Variants in SLC47A1 observed in about 807,000 individuals in gnomAD.
The protein encoded by SLC47A1 is multidrug and toxin extrusion protein 1.
A neutral mutation model predicts 65.8 loss-of-function variants in SLC47A1; 58 were observed. The ratio of observed to expected loss-of-function variants is 0.88; its 90% CI spans 0.71 to 1.10. The LOEUF is 1.10. Among genes scored for constraint, SLC47A1 ranks in the 50% least tolerant of loss-of-function variants. The pLI is 0.00. For synonymous variants in SLC47A1, 285 were observed against 295.0 expected, an observed-to-expected ratio of 0.97 and a Z score of 0.35; for missense variants, 706 against 719.2, an observed-to-expected ratio of 0.98 and a Z score of 0.21.
At chr17:19,559,458 G>A (rs918155845) in intron 10 of SLC47A1, among the ~76,000 whole-genome samples, 1 of 152,206 alleles carries the variant, frequency 6.6e-6, no homozygotes, top group Non-Finnish European at 1.5e-5. Flanking sequence ...GGAGGTCGAG[G>A]CTGTAGTGAA....
chr17:19,565,751 T>G (rs2084351810), intron 12 of SLC47A1, among the ~76,000 whole-genome samples: 1 of 151,848 alleles, frequency 6.6e-6, no homozygotes, highest in Non-Finnish European at 1.5e-5. Context: ...CGGCTAATTT[T>G]TTTGTATTTT....
chr17:19,546,399 A>T, intron 2 of SLC47A1, 36 bp from the exon 3 acceptor site: 1 of 1,574,224 alleles, frequency 6.4e-7, no homozygotes, highest in Non-Finnish European at 8.7e-7. Flanking sequence ...TTCCTCCTTT[A>T]ACTCTATAGG....
rs2084299770 is a variant in SLC47A1, at chr17:19,560,404, GT to G, written c.1031-9del. 1 of 1,614,096 alleles carries G rather than the reference GT, an allele frequency of 6.2e-7. No individual in the cohort carries two copies. Among genetic ancestry groups the G allele is most frequent in the African/African-American group, 1.3e-5 (1 of 75,026 alleles). Reference sequence around the variant, plus strand: ...TGTTCACTGTGTTGTTTCTTCTGCCGTTTTTACCTTCAGTGCTCTTTGCTGT... The same window carrying G: ...TGTTCACTGTGTTGTTTCTTCTGCCGTTTTACCTTCAGTGCTCTTTGCTGT... On this transcript the variant is annotated splice_polypyrimidine_tract_variant and intron_variant, in intron 11 of 16. Coordinates refer to ENST00000270570, the MANE Select transcript of SLC47A1 (RefSeq NM_018242.3).
chr17:19,572,488 GTTTTTAAT>G lies in SLC47A1; in HGVS notation c.1405-282_1405-275del, dbSNP rs572609308. Reference sequence around the variant, plus strand: ...TTTTTGTTGTTGTTGTTATTTTTTTGTTTTTAATTTTTTAATTGAGATGGGATCTTGCT... The same window carrying G: ...TTTTTGTTGTTGTTGTTATTTTTTTGTTTTTAATTGAGATGGGATCTTGCT... On this transcript the variant is annotated intron_variant, in intron 15 of 16. Transcript: ENST00000270570. Among the ~76,000 whole-genome samples, 344 of 151,822 alleles carry G rather than the reference GTTTTTAAT, an allele frequency of 2.3e-3. 2 individuals are homozygous for G. Among genetic ancestry groups the G allele is most frequent in the African/African-American group, 8.3e-3 (342 of 41,420 alleles).
At chr17:19,550,031 C>A (rs1421213720) in intron 5 of SLC47A1, among the ~76,000 whole-genome samples, 1 of 152,208 alleles carries the variant, frequency 6.6e-6, no homozygotes, top group African/African-American at 2.4e-5. Context: ...TGGTCTGCTG[C>A]GTTTGACCAC....
intron 2 of SLC47A1, among the ~76,000 whole-genome samples, chr17:19,545,457 G>T (rs898323132): frequency 6.6e-6 from 1 of 151,872 alleles, no homozygotes; most frequent in Admixed American, 6.6e-5. Flanking sequence ...CTCCCAAAGT[G>T]CTGGGATTAC....
intron 10 of SLC47A1, among the ~76,000 whole-genome samples, chr17:19,558,064 T>A (rs1704932522): frequency 6.6e-6 from 1 of 151,932 alleles, no homozygotes; most frequent in African/African-American, 2.4e-5. Context: ...TTTTGTCACA[T>A]TTATTCTGTC....
chr17:19,554,840 G>A (rs527338349), intron 6 of SLC47A1, among the ~76,000 whole-genome samples: 1 of 152,318 alleles, frequency 6.6e-6, no homozygotes, highest in South Asian at 2.1e-4. Flanking sequence ...CTATTTTGGT[G>A]AAGAAAGTAT....
At chr17:19,551,274 G>A in intron 5 of SLC47A1, 150 bp from the exon 6 acceptor site, 1 of 752,694 alleles carries the variant, frequency 1.3e-6, no homozygotes, top group East Asian at 2.6e-5. Flanking sequence ...CCTGGCCCCA[G>A]CCCTGTCCTG....
chr17:19,574,322 A>G lies in SLC47A1; in HGVS notation c.1486+1461A>G, dbSNP rs1452194246. Among the ~76,000 whole-genome samples, 6 of 152,244 alleles carry G rather than the reference A, an allele frequency of 3.9e-5. No individual in the cohort carries two copies. In the East Asian group the frequency reaches 1.2e-3, roughly 29 times the overall value. On this transcript the variant is annotated intron_variant, in intron 16 of 16. Coordinates refer to ENST00000270570, the MANE Select transcript of SLC47A1 (RefSeq NM_018242.3). Reference sequence around the variant, plus strand: ...ATTCTTGGTAGGTACCCAAGTCGCCAAAGCCCTGGTCAGCGTCTCAGTCAT... The same window carrying G: ...ATTCTTGGTAGGTACCCAAGTCGCCGAAGCCCTGGTCAGCGTCTCAGTCAT...
intron 10 of SLC47A1, 35 bp from the exon 11 acceptor site, chr17:19,560,153 C>T: frequency 6.7e-7 from 1 of 1,487,674 alleles, no homozygotes; most frequent in Non-Finnish European, 9.3e-7. Context: ...TCTGCAGTTT[C>T]TCACTCATTG....
intron 12 of SLC47A1, among the ~76,000 whole-genome samples, chr17:19,560,914 C>T (rs553630455): frequency 6.6e-6 from 1 of 150,924 alleles, no homozygotes; most frequent in East Asian, 2.0e-4. Flanking sequence ...GAAATGGTTC[C>T]TCCAAGAGCA....
In SLC47A1 at chr17:19,555,699, T is replaced by C. The variant is rs139770934; in HGVS notation, c.739+9T>C. On this transcript the variant is annotated intron_variant, in intron 8 of 16. Coordinates refer to ENST00000270570, the MANE Select transcript of SLC47A1 (RefSeq NM_018242.3). ...TCAAGCTACATGGGGAGGTAATGACTGCCCTTTTGTCTTCCAACTGGGATG... is the reference window on the plus strand; with the variant it reads ...TCAAGCTACATGGGGAGGTAATGACCGCCCTTTTGTCTTCCAACTGGGATG... 1.9e-6 allele frequency: 3 copies of C among 1,614,024 alleles called. No individual in the cohort carries two copies. In the East Asian group the frequency reaches 6.7e-5, roughly 36 times the overall value.
chr17:19,571,554 G>GA lies in SLC47A1; in HGVS notation c.1392dup (p.Ala465SerfsTer35). 6.2e-7 allele frequency: 1 copy of GA among 1,613,526 alleles called. No individual in the cohort carries two copies. Among genetic ancestry groups the GA allele is most frequent in the Non-Finnish European group, 8.5e-7 (1 of 1,179,756 alleles). On this transcript the variant is annotated frameshift_variant, in exon 15 of 17. Coordinates refer to ENST00000270570, the MANE Select transcript of SLC47A1 (RefSeq NM_018242.3). LOFTEE classifies it high-confidence loss of function. ...TAGGCTTTATTATTCAGCTAAATTG[G>GA]AAAAAAGCCTGTCAGCAGGTAACTA... is the stretch of plus-strand genomic sequence containing the variant.
intron 12 of SLC47A1, 77 bp downstream of exon 12, chr17:19,560,570 T>G: frequency 2.1e-6 from 3 of 1,407,956 alleles, no homozygotes; most frequent in Non-Finnish European, 3.0e-6. Flanking sequence ...TTCTCTAAAA[T>G]CAGGCTGTTC....
In SLC47A1 at chr17:19,533,859, C is replaced by G. The variant is rs1915912189; in HGVS notation, c.-81C>G. On this transcript the variant is annotated 5_prime_UTR_variant, in exon 1 of 17. Transcript: ENST00000270570. ...GGCTGCACTGCGCGGTACCCACTGC[C>G]GGCCTGCGCGGTACTCACTGCCGGC... 1.5e-6 allele frequency: 2 copies of G among 1,356,908 alleles called. No homozygotes were observed. Among genetic ancestry groups the G allele is most frequent in the Admixed American group, 3.3e-5 (1 of 29,904 alleles). 84.1% of individuals were successfully genotyped at this position (1,356,908 alleles called of 1,614,324 possible). A position where few individuals can be genotyped will look rare whatever the true frequency, so the allele number is the denominator to read the frequency against.
chr17:19,549,597 A>C, intron 4 of SLC47A1, 38 bp from the exon 5 acceptor site: 2 of 1,604,354 alleles, frequency 1.2e-6, no homozygotes, highest in Non-Finnish European at 1.7e-6. Flanking sequence ...AGAGGCCTCC[A>C]TCACAGTTTT....
intron 2 of SLC47A1, among the ~76,000 whole-genome samples, chr17:19,544,009 G>A (rs921716977): frequency 6.6e-6 from 1 of 152,330 alleles, no homozygotes; most frequent in Admixed American, 6.5e-5. Context: ...GGTCTGGAGT[G>A]CAGTGGTGCC....
Position 19,555,279 on chromosome 17 carries a change from T to C in SLC47A1, c.611T>C (p.Leu204Pro). 1 of 1,614,226 alleles carries C rather than the reference T, an allele frequency of 6.2e-7. No individual in the cohort carries two copies. The highest frequency in any genetic ancestry group is 8.5e-7 in the Non-Finnish European group (1 of 1,180,038). ...ANLVNALANY[L>P]FLHQLHLGVI... ...CTTGTCAATGCCCTCGCCAACTATC[T>C]GTTTCTCCATCAACTGCATCTTGGG... The change falls in exon 7 of 17, where the codon CTG becomes CCG. Residue 204 changes from leucine to proline, a missense_variant. By Grantham distance (98) the Leu-to-Pro change is moderately conservative (BLOSUM62 -3). Coordinates refer to ENST00000270570, the MANE Select transcript of SLC47A1 (RefSeq NM_018242.3).
Sources: gnomAD v4.1 joint callset for allele counts (sites outside exome capture counted in the v4.1 genomes callset) on GRCh38, gnomAD v4.1.1 for gene constraint, MANE v1.5 for transcripts, NCBI Gene and HGNC (gene_info 2026-07-23, HGNC 2026-07-21) for gene names.